EXT2: variants seen among roughly 807,000 people sequenced by gnomAD.
EXT2 encodes exostosin glycosyltransferase 2.
A neutral mutation model predicts 81.6 loss-of-function variants in EXT2; 53 were observed. The observed-to-expected ratio is 0.65, with a 90% confidence interval of 0.52 to 0.82. The LOEUF (loss-of-function observed/expected upper bound fraction) is 0.82, where lower values mean the gene tolerates loss of function less well. EXT2 is among the 40% of genes least tolerant of loss of function. The pLI is 0.00. For missense variants in EXT2, 774 were observed against 910.2 expected, an observed-to-expected ratio of 0.85 and a Z score of 1.93; for synonymous variants, 320 against 340.0, an observed-to-expected ratio of 0.94 and a Z score of 0.65.
chr11:44,249,768 T>A lies in EXT2; in HGVS notation c.*5481T>A, dbSNP rs891140971. On this transcript the variant is annotated 3_prime_UTR_variant, in exon 14 of 14. Transcript: ENST00000533608. ...ATTCTGTTATGCTAACTATTCATTT[T>A]CTCATGAAAATGTAGTCTTTGGCTG... Among the ~76,000 whole-genome samples, 4 of 152,318 alleles carry A rather than the reference T, an allele frequency of 2.6e-5. No homozygotes were observed. The East Asian group carries it at 7.7e-4, about 29-fold the overall frequency.
chr11:44,099,428 G>T (rs1486480037), intron 1 of EXT2, among the ~76,000 whole-genome samples: 1 of 151,914 alleles, frequency 6.6e-6, no homozygotes, highest in Non-Finnish European at 1.5e-5. Flanking sequence ...CTTGTGATTC[G>T]CCCGCCTCCA....
rs150758739 is a variant in EXT2, at chr11:44,197,984, C to T, written c.1461C>T (p.Val487=). The stretch of plus-strand genomic sequence containing the variant: ...TGCCCAGTCTATCCAAACTACTTGT[C>T]GTCTGGAATAATCAGAATAAAAACC... ...SKVPSLSKLL[V]VWNNQNKNPP... is the part of the protein sequence containing the mutation. The change falls in exon 9 of 14, where the codon GTC becomes GTT. Residue 487 remains valine, a synonymous_variant. Coordinates refer to ENST00000533608, the MANE Select transcript of EXT2 (RefSeq NM_207122.2). The T allele has an allele frequency of 1.1e-5, 18 of 1,613,920 alleles. No individual in the cohort carries two copies. The highest frequency in any genetic ancestry group is 9.3e-5 in the African/African-American group (7 of 74,896).
chr11:44,114,416 T>G (rs1954192807), intron 4 of EXT2, 115 bp downstream of exon 4: 2 of 850,400 alleles, frequency 2.4e-6, no homozygotes, highest in African/African-American at 1.6e-5. Context: ...GTAGGGTCCT[T>G]GAGGCACTGA....
intron 8 of EXT2, among the ~76,000 whole-genome samples, chr11:44,191,955 T>A (rs994989305): frequency 1.3e-5 from 2 of 152,242 alleles, no homozygotes; most frequent in African/African-American, 4.8e-5. Flanking sequence ...ACGGTAGCCA[T>A]GTCAATTTGT....
chr11:44,167,882 T>C (rs187190730), intron 7 of EXT2, among the ~76,000 whole-genome samples: 103 of 152,214 alleles, frequency 6.8e-4, no homozygotes, highest in African/African-American at 2.4e-3. Context: ...GTTACATATG[T>C]ATACGTGTGC....
intron 7 of EXT2, among the ~76,000 whole-genome samples, chr11:44,136,908 G>A (rs1954578120): frequency 6.6e-6 from 1 of 152,184 alleles, no homozygotes; most frequent in African/African-American, 2.4e-5. Context: ...CTAATACAAA[G>A]GGAGGCTCTT....
At chr11:44,149,122 G>A (rs916386049) in intron 7 of EXT2, among the ~76,000 whole-genome samples, 1 of 152,164 alleles carries the variant, frequency 6.6e-6, no homozygotes, top group African/African-American at 2.4e-5. Flanking sequence ...AGCACTTTGG[G>A]AGGTGGAGGC....
At chr11:44,164,071 G>A (rs1414728471) in intron 7 of EXT2, among the ~76,000 whole-genome samples, 1 of 151,834 alleles carries the variant, frequency 6.6e-6, no homozygotes, top group Non-Finnish European at 1.5e-5. Flanking sequence ...TTTCAGTTTG[G>A]ATAATTTCTA....
At position 44,244,458 on chromosome 11, in the gene EXT2, A is replaced by G. The variant is rs1956074761; in HGVS notation, c.*171A>G. 1 of 657,550 alleles carries G rather than the reference A, an allele frequency of 1.5e-6. No individual in the cohort carries two copies. Among genetic ancestry groups the G allele is most frequent in the African/African-American group, 1.8e-5 (1 of 55,396 alleles). 40.7% of individuals were successfully genotyped at this position (657,550 alleles called of 1,614,324 possible). ...TCAAGAACAAGAACCTAGAATGAAT[A>G]TCCAAGCACCTCGAGCTATGCAACC... On this transcript the variant is annotated 3_prime_UTR_variant, in exon 14 of 14. Transcript: ENST00000533608.
At chr11:44,117,901 A>G (rs928933028) in intron 4 of EXT2, among the ~76,000 whole-genome samples, 5 of 152,192 alleles carry the variant, frequency 3.3e-5, no homozygotes, top group African/African-American at 1.2e-4. Flanking sequence ...AGCTAGGACT[A>G]TAGGTACATG....
intron 10 of EXT2, among the ~76,000 whole-genome samples, chr11:44,208,940 C>T (rs948239855): frequency 5.9e-5 from 9 of 152,192 alleles, no homozygotes; most frequent in African/African-American, 2.2e-4. Context: ...TTTTGCCTGT[C>T]ACAAAATTAT....
chr11:44,218,660 A>AG (rs1355644144), intron 10 of EXT2, among the ~76,000 whole-genome samples: 5 of 152,134 alleles, frequency 3.3e-5, no homozygotes, highest in African/African-American at 1.2e-4. Flanking sequence ...ATTAGTGATG[A>AG]GGGGGCCTCA....
intron 4 of EXT2, among the ~76,000 whole-genome samples, chr11:44,119,175 T>TACACAC (rs151028121): frequency 9.5e-6 from 1 of 105,730 alleles, no homozygotes; most frequent in African/African-American, 3.5e-5. Flanking sequence ...TATATACACA[T>TACACAC]ACACACACAC....
intron 2 of EXT2, 109 bp downstream of exon 2, chr11:44,108,357 A>T: frequency 8.3e-7 from 1 of 1,205,122 alleles, no homozygotes; most frequent in Non-Finnish European, 1.2e-6. Flanking sequence ...TGGTTTCCCG[A>T]TGCTGTCTTC....
intron 7 of EXT2, among the ~76,000 whole-genome samples, chr11:44,134,703 G>C (rs571056069): frequency 6.6e-6 from 1 of 152,336 alleles, no homozygotes; most frequent in East Asian, 1.9e-4. Flanking sequence ...TGTATGGATA[G>C]GGAGGAAGGT....
At chr11:44,154,053 TTTTGATACAGGCA>T (rs1954828207) in intron 7 of EXT2, among the ~76,000 whole-genome samples, 1 of 152,102 alleles carries the variant, frequency 6.6e-6, no homozygotes, top group South Asian at 2.1e-4. Context: ...CCTGAGATAA[TTTTGATACAGGCA>T]TACAATGGGT....
intron 10 of EXT2, 140 bp downstream of exon 10, chr11:44,207,099 G>GT (rs1338757265): frequency 2.1e-6 from 2 of 942,124 alleles, no homozygotes; most frequent in Non-Finnish European, 3.2e-6. Flanking sequence ...AAAGGTGTGC[G>GT]TAAGAGTGTG....
At chr11:44,202,697 C>T (rs1156818701) in intron 9 of EXT2, among the ~76,000 whole-genome samples, 1 of 152,236 alleles carries the variant, frequency 6.6e-6, no homozygotes, top group Non-Finnish European at 1.5e-5. Flanking sequence ...TAGTGACTAC[C>T]TCCAGTGTGC....
chr11:44,207,306 A>T (rs1955595559), intron 10 of EXT2, among the ~76,000 whole-genome samples: 1 of 152,246 alleles, frequency 6.6e-6, no homozygotes. Context: ...GCGCTGCAAC[A>T]ATAAAAACAT....
Sources: allele counts gnomAD v4.1 joint callset (sites outside exome capture counted in the v4.1 genomes callset), GRCh38; gene constraint gnomAD v4.1.1; transcripts MANE v1.5; gene names NCBI Gene and HGNC (gene_info 2026-07-23, HGNC 2026-07-21).